Variants in DCLRE1C observed in about 807,000 individuals in gnomAD.
DCLRE1C encodes DNA cross-link repair 1C.
DCLRE1C carries 47 observed loss-of-function variants against 61.4 expected under a neutral mutation model. That is an observed-to-expected ratio of 0.77 (90% confidence interval 0.61 to 0.98). The LOEUF is 0.98. DCLRE1C is among the 50% of genes least tolerant of loss of function. The pLI, the probability that DCLRE1C is intolerant of heterozygous loss-of-function variation, is 0.00. For synonymous variants in DCLRE1C, 337 were observed against 287.6 expected, an observed-to-expected ratio of 1.17 and a Z score of -1.74; for missense variants, 858 against 816.0, an observed-to-expected ratio of 1.05 and a Z score of -0.63.
intron 12 of DCLRE1C, among the ~76,000 whole-genome samples, chr10:14,921,787 C>T (rs1192566832): frequency 6.6e-6 from 1 of 152,164 alleles, no homozygotes; most frequent in East Asian, 1.9e-4. Context: ...AATGTGCTGC[C>T]CAGGGTTCTG....
chr10:14,927,246 G>C (rs966053456), intron 10 of DCLRE1C, among the ~76,000 whole-genome samples: 3 of 152,012 alleles, frequency 2.0e-5, no homozygotes, highest in Non-Finnish European at 4.4e-5. Context: ...AGCTCGGCAT[G>C]GTGGTAGTAC....
chr10:14,951,485 G>A (rs1842458594), intron 1 of DCLRE1C, among the ~76,000 whole-genome samples: 1 of 145,512 alleles, frequency 6.9e-6, no homozygotes, highest in South Asian at 2.3e-4. Flanking sequence ...AGTTTCTCAT[G>A]TTTGAGCTGC....
chr10:14,941,867 T>C (rs572848504), intron 3 of DCLRE1C, among the ~76,000 whole-genome samples: 1 of 152,280 alleles, frequency 6.6e-6, no homozygotes, highest in South Asian at 2.1e-4. Flanking sequence ...CCTGCCTCCT[T>C]CTTTCAGCAT....
intron 5 of DCLRE1C, 78 bp from the exon 6 acceptor site, chr10:14,935,642 C>T (rs775138360): frequency 1.5e-6 from 2 of 1,338,664 alleles, no homozygotes; most frequent in East Asian, 2.3e-5. Context: ...GAGCTGCATA[C>T]TAAATGCTTC....
chr10:14,938,827 G>C (rs1479833286), intron 4 of DCLRE1C, among the ~76,000 whole-genome samples: 10 of 152,146 alleles, frequency 6.6e-5, no homozygotes, highest in African/African-American at 2.4e-4. Context: ...ACATCATGTA[G>C]TAATATCAAC....
At chr10:14,942,745 T>C (rs1240753434) in intron 3 of DCLRE1C, among the ~76,000 whole-genome samples, 1 of 152,184 alleles carries the variant, frequency 6.6e-6, no homozygotes, top group East Asian at 1.9e-4. Flanking sequence ...TGGTTTGAAC[T>C]TCGCCTTAGT....
intron 12 of DCLRE1C, among the ~76,000 whole-genome samples, chr10:14,922,390 G>A (rs1265294410): frequency 1.3e-5 from 2 of 150,906 alleles, no homozygotes; most frequent in South Asian, 2.1e-4. Flanking sequence ...GCAGTGAGCC[G>A]AGATCATGCC....
chr10:14,926,902 A>G lies in DCLRE1C; in HGVS notation c.918-5T>C. ...CTGTATGAACTCTCTCCAGTCCTAA[A>G]GGGAAGTGAAAACACAAAATAAAAA... On this transcript the variant is annotated splice_region_variant and splice_polypyrimidine_tract_variant and intron_variant, in intron 10 of 13. Transcript: ENST00000378278. 6.2e-7 allele frequency: 1 copy of G among 1,612,902 alleles called. No individual in the cohort carries two copies. Among genetic ancestry groups the G allele is most frequent in the Non-Finnish European group, 8.5e-7 (1 of 1,179,036 alleles).
downstream of DCLRE1C, chr10:14,901,052 G>A (rs1833974624): frequency 2.6e-6 from 4 of 1,523,350 alleles, no homozygotes; most frequent in South Asian, 3.8e-5. Context: ...AAATCTCTAG[G>A]AAAGTAAACA....
At chr10:14,925,225 T>TA (rs67477083) in intron 11 of DCLRE1C, among the ~76,000 whole-genome samples, 2,636 of 109,092 alleles carry the variant, frequency 0.024, 52 homozygotes, top group African/African-American at 0.038. Context: ...ATAAAGGATT[T>TA]AAAAAAAAAA....
In DCLRE1C at chr10:14,939,981, A is replaced by G. The variant is rs1182832767; in HGVS notation, c.247-112T>C. 3.0e-5 allele frequency: 23 copies of G among 773,466 alleles called. 1 individual carries two copies. In the South Asian group the frequency reaches 3.5e-4, roughly 12 times the overall value. The allele number at this position is 773,466 out of a possible 1,614,324, so 47.9% of individuals were successfully genotyped here. On this transcript the variant is annotated intron_variant, in intron 3 of 13. Transcript: ENST00000378278. ...AAGAGAAGTTTCAGACTCTCTATAT[A>G]AACAATTCCGATTACATTGTAATAA...
rs774642668 is a variant in DCLRE1C at position 14,949,107 on chromosome 10, A to C, written c.110-20T>G. ...TGTGATCTAAAAACAAAAGAACAAA[A>C]ACTCATGAATATGTTTTTCCAGAGG... On this transcript the variant is annotated intron_variant, in intron 1 of 13. Coordinates refer to ENST00000378278, the MANE Select transcript of DCLRE1C (RefSeq NM_001033855.3). The C allele has an allele frequency of 6.4e-7, 1 of 1,565,158 alleles. No individual in the cohort carries two copies. Among genetic ancestry groups the C allele is most frequent in the South Asian group, 1.1e-5 (1 of 89,710 alleles).
intron 4 of DCLRE1C, among the ~76,000 whole-genome samples, chr10:14,938,248 A>G (rs945319956): frequency 6.6e-6 from 1 of 152,194 alleles, no homozygotes; most frequent in Non-Finnish European, 1.5e-5. Flanking sequence ...AATGCCTTTC[A>G]CCAATATCCC....
chr10:14,901,158 A>G (rs1470231167), downstream of DCLRE1C: 10 of 1,613,948 alleles, frequency 6.2e-6, no homozygotes, highest in Non-Finnish European at 7.6e-6. Context: ...CAGGTGTTCA[A>G]TGTTTTCATT....
At position 14,916,186 on chromosome 10, in the gene DCLRE1C, T is replaced by C. The variant is rs1050697687; in HGVS notation, c.1156+3552A>G. On this transcript the variant is annotated intron_variant, in intron 13 of 13. Transcript: ENST00000378278. ...AACAATGAATGCTTTCTCCTTGAGA[T>C]TGGGAACAAGGCAGTGACACCCACT... Among the ~76,000 whole-genome samples the C allele has an allele frequency of 5.9e-5, 9 of 152,160 alleles. No homozygotes were observed. The South Asian group carries it at 6.2e-4, about 11-fold the overall frequency.
In DCLRE1C at chr10:14,907,857, C is replaced by CTTTTTTTTTTTTTTTTTTTTTTTTTTT. The variant is rs60410513; in HGVS notation, c.*550_*551insAAAAAAAAAAAAAAAAAAAAAAAAAAA. The CTTTTTTTTTTTTTTTTTTTTTTTTTTT allele has an allele frequency of 4.2e-5, 3 of 71,958 alleles. 1 individual carries two copies. The highest frequency in any genetic ancestry group is 7.7e-5 in the Non-Finnish European group (3 of 38,716). The allele number at this position is 71,958 out of a possible 1,614,324, so 4.5% of individuals were successfully genotyped here. On this transcript the variant is annotated 3_prime_UTR_variant, in exon 14 of 14. Transcript: ENST00000378278. ...GGGTTTAGTTCTACCATTTTTTTTT[C>CTTTTTTTTTTTTTTTTTTTTTTTTTTT]TTTTTTTTTTTTTTTTTTTTTGAGA...
At chr10:14,951,353 G>A (rs565508315) in intron 1 of DCLRE1C, among the ~76,000 whole-genome samples, 143 of 122,304 alleles carry the variant, frequency 1.2e-3, no homozygotes, top group Non-Finnish European at 1.8e-3. Flanking sequence ...TCGCACCACT[G>A]CACTCCAGCC....
chr10:14,901,765 G>A (rs114049512), downstream of DCLRE1C, among the ~76,000 whole-genome samples: 575 of 151,852 alleles, frequency 3.8e-3, 3 homozygotes, highest in African/African-American at 0.013. Context: ...AGGGAGGTTG[G>A]GGCTACAGTT....
At chr10:14,918,096 A>G (rs1836504680) in intron 13 of DCLRE1C, among the ~76,000 whole-genome samples, 1 of 152,186 alleles carries the variant, frequency 6.6e-6, no homozygotes, top group Non-Finnish European at 1.5e-5. Context: ...TTTGGAAAAC[A>G]TTTTGGCAGT....
Sources: allele counts gnomAD v4.1 joint callset (sites outside exome capture counted in the v4.1 genomes callset), GRCh38; gene constraint gnomAD v4.1.1; transcripts MANE v1.5; gene names NCBI Gene and HGNC (gene_info 2026-07-23, HGNC 2026-07-21).